Variants in CSMD1 observed in about 807,000 individuals in gnomAD.
CSMD1 encodes the protein CUB and Sushi multiple domains 1.
A neutral mutation model predicts 417.5 loss-of-function variants in CSMD1; 213 were observed. The observed-to-expected ratio is 0.51, with a 90% CI of 0.46 to 0.57. The LOEUF is 0.57. Among genes scored for constraint, CSMD1 ranks in the 20% least tolerant of loss-of-function variants. The probability of loss-of-function intolerance (pLI) is 0.00; values close to 1 mark genes in which losing one functional copy is unlikely to be tolerated. For synonymous variants in CSMD1, 2,862 were observed against 1,736.8 expected, an observed-to-expected ratio of 1.65 and a Z score of -16.11; for missense variants, 6,923 against 4,529.7, an observed-to-expected ratio of 1.53 and a Z score of -15.17.
At chr8:4,609,600 T>C (rs1158898568) in intron 2 of CSMD1, among the ~76,000 whole-genome samples, 3 of 152,184 alleles carry the variant, frequency 2.0e-5, no homozygotes, top group Non-Finnish European at 4.4e-5. Context: ...TCACAGAGTA[T>C]GATCTTATTA....
intron 7 of CSMD1, among the ~76,000 whole-genome samples, chr8:3,673,066 T>C (rs1799163421): frequency 6.6e-6 from 1 of 152,208 alleles, no homozygotes; most frequent in Admixed American, 6.5e-5. Context: ...GTATGATTGA[T>C]ATACTGTAAA....
intron 7 of CSMD1, among the ~76,000 whole-genome samples, chr8:3,654,212 T>A (rs575019373): frequency 5.8e-4 from 88 of 152,314 alleles, no homozygotes; most frequent in Non-Finnish European, 1.1e-3. Context: ...TACCTTCAGT[T>A]TGACTGAATT....
chr8:3,781,499 G>C (rs1195779357), intron 5 of CSMD1, among the ~76,000 whole-genome samples: 1 of 131,512 alleles, frequency 7.6e-6, no homozygotes, highest in Non-Finnish European at 1.5e-5. Context: ...TGGTGCCCCT[G>C]AGTTAGGTGT....
intron 5 of CSMD1, among the ~76,000 whole-genome samples, chr8:3,977,801 C>T (rs781090596): frequency 2.6e-5 from 4 of 152,152 alleles, no homozygotes; most frequent in Non-Finnish European, 2.9e-5. Context: ...CTTTCATTAC[C>T]TATTTCCTTA....
intron 3 of CSMD1, among the ~76,000 whole-genome samples, chr8:4,214,362 A>G (rs562211484): frequency 6.6e-6 from 1 of 152,306 alleles, no homozygotes; most frequent in African/African-American, 2.4e-5. Flanking sequence ...CAGTGGTGCG[A>G]TCTTGGCTCA....
chr8:3,211,913 G>A (rs1484063177), intron 30 of CSMD1, among the ~76,000 whole-genome samples: 1 of 152,218 alleles, frequency 6.6e-6, no homozygotes. Context: ...CTGGTGGCAA[G>A]ACAAGAGGGG....
intron 3 of CSMD1, among the ~76,000 whole-genome samples, chr8:4,291,000 T>C (rs907452875): frequency 2.6e-5 from 4 of 152,202 alleles, no homozygotes; most frequent in Non-Finnish European, 5.9e-5. Context: ...TTGTTAAATG[T>C]ATATGTAATG....
At chr8:3,575,521 C>G (rs529859312) in intron 9 of CSMD1, among the ~76,000 whole-genome samples, 2 of 152,286 alleles carry the variant, frequency 1.3e-5, no homozygotes, top group Admixed American at 1.3e-4. Context: ...TCAGCTACGT[C>G]TTACACTGTC....
At chr8:4,619,457 T>C (rs954867478) in intron 2 of CSMD1, among the ~76,000 whole-genome samples, 2 of 152,162 alleles carry the variant, frequency 1.3e-5, no homozygotes, top group African/African-American at 4.8e-5. Context: ...GTAGCTAGTG[T>C]AGTAGAAGTA....
intron 11 of CSMD1, among the ~76,000 whole-genome samples, chr8:3,472,503 T>A (rs978516184): frequency 6.6e-6 from 1 of 152,084 alleles, no homozygotes; most frequent in African/African-American, 2.4e-5. Flanking sequence ...AAACTCCAAC[T>A]TGAGATCAAT....
intron 7 of CSMD1, among the ~76,000 whole-genome samples, chr8:3,626,242 G>C (rs80342538): frequency 0.028 from 4,225 of 152,242 alleles, 229 homozygotes; most frequent in African/African-American, 0.096. Flanking sequence ...GGAGGACTTA[G>C]GGCCTGTCAT....
At chr8:3,011,922 C>A (rs1176221152) in intron 52 of CSMD1, among the ~76,000 whole-genome samples, 1 of 152,196 alleles carries the variant, frequency 6.6e-6, no homozygotes, top group African/African-American at 2.4e-5. Flanking sequence ...ATGTAGATCA[C>A]AAACTTCCTG....
chr8:3,818,064 G>A (rs1585042213), intron 5 of CSMD1, among the ~76,000 whole-genome samples: 1 of 152,122 alleles, frequency 6.6e-6, no homozygotes, highest in South Asian at 2.1e-4. Flanking sequence ...GCTTGGAGCA[G>A]GCATGGAGGT....
At chr8:4,666,059 G>T (rs540728137) in intron 1 of CSMD1, among the ~76,000 whole-genome samples, 1 of 152,064 alleles carries the variant, frequency 6.6e-6, no homozygotes, top group Non-Finnish European at 1.5e-5. Flanking sequence ...ATAGTAACTG[G>T]CACATAGGAC....
intron 1 of CSMD1, among the ~76,000 whole-genome samples, chr8:4,831,583 G>T (rs961544067): frequency 6.6e-6 from 1 of 151,998 alleles, no homozygotes; most frequent in Non-Finnish European, 1.5e-5. Context: ...AAAATGTCAT[G>T]CCAAGGTTTG....
intron 2 of CSMD1, among the ~76,000 whole-genome samples, chr8:4,571,769 T>C (rs972003455): frequency 6.6e-6 from 1 of 152,186 alleles, no homozygotes; most frequent in Non-Finnish European, 1.5e-5. Flanking sequence ...TCTAAGTCTC[T>C]TTGTACGTCT....
chr8:3,178,104 G>A (rs1381068974), intron 37 of CSMD1, among the ~76,000 whole-genome samples: 1 of 152,072 alleles, frequency 6.6e-6, no homozygotes, highest in African/African-American at 2.4e-5. Flanking sequence ...TTAAACCAGA[G>A]GATTCTGTAA....
chr8:4,649,934 T>C (rs1803778380), intron 1 of CSMD1, among the ~76,000 whole-genome samples: 1 of 152,226 alleles, frequency 6.6e-6, no homozygotes, highest in African/African-American at 2.4e-5. Context: ...GGTTGTGCAC[T>C]GCACAACTCC....
intron 49 of CSMD1, among the ~76,000 whole-genome samples, chr8:3,071,456 C>A (rs1008185869): frequency 6.6e-6 from 1 of 152,082 alleles, no homozygotes; most frequent in Admixed American, 6.5e-5. Context: ...CACCATGGCA[C>A]ATGTATGCCT....
Sources: allele counts gnomAD v4.1 joint callset (sites outside exome capture counted in the v4.1 genomes callset), GRCh38; gene constraint gnomAD v4.1.1; transcripts MANE v1.5; gene names NCBI Gene and HGNC (gene_info 2026-07-23, HGNC 2026-07-21).